Variants in ERC2 observed in about 807,000 individuals in gnomAD.
ERC2 encodes the protein ELKS/RAB6-interacting/CAST family member 2.
ERC2 carries 42 observed loss-of-function variants against 114.8 expected under a neutral mutation model. The observed-to-expected ratio is 0.37, with a 90% CI of 0.29 to 0.47. The LOEUF is 0.47. Among genes scored for constraint, ERC2 ranks in the 20% least tolerant of loss-of-function variants. The pLI, the probability that ERC2 is intolerant of heterozygous loss-of-function variation, is 0.99. For synonymous variants in ERC2, 454 were observed against 425.5 expected (o/e 1.07, Z -0.82); for missense variants, 939 against 1,150.7 (o/e 0.82, Z 2.66).
At chr3:55,958,867 C>T (rs150448776) in intron 12 of ERC2, among the ~76,000 whole-genome samples, 56 of 152,268 alleles carry the variant, frequency 3.7e-4, no homozygotes, top group Admixed American at 1.3e-3. Context: ...CCCCTGAGAG[C>T]GCAGGGATGC....
intron 6 of ERC2, among the ~76,000 whole-genome samples, chr3:56,116,764 T>C (rs1360274680): frequency 3.3e-5 from 5 of 152,142 alleles, no homozygotes; most frequent in Non-Finnish European, 7.3e-5. Context: ...TAATGGGGCC[T>C]TCCTACATGC....
chr3:56,421,043 G>A (rs926292405), intron 2 of ERC2, among the ~76,000 whole-genome samples: 13 of 152,332 alleles, frequency 8.5e-5, no homozygotes, highest in African/African-American at 3.1e-4. Flanking sequence ...AATTGATCCT[G>A]GTGTTGGTCA....
At chr3:55,698,801 C>T (rs1289109237) in intron 16 of ERC2, among the ~76,000 whole-genome samples, 2 of 152,156 alleles carry the variant, frequency 1.3e-5, no homozygotes, top group African/African-American at 4.8e-5. Context: ...GTAAATATTG[C>T]TGTAAAACCA....
intron 14 of ERC2, among the ~76,000 whole-genome samples, chr3:55,772,317 ATTC>A (rs1269544724): frequency 1.5e-5 from 2 of 136,574 alleles, no homozygotes; most frequent in African/African-American, 2.7e-5. Flanking sequence ...TACTTTTTGT[ATTC>A]TTTTTTTTTT....
intron 14 of ERC2, among the ~76,000 whole-genome samples, chr3:55,746,378 C>T (rs1040550447): frequency 1.9e-4 from 29 of 152,078 alleles, no homozygotes; most frequent in African/African-American, 7.0e-4. Context: ...AGATTACAGG[C>T]ATGCACCACC....
intron 1 of ERC2, among the ~76,000 whole-genome samples, chr3:56,437,887 A>G (rs1381062002): frequency 2.0e-5 from 3 of 152,220 alleles, no homozygotes; most frequent in African/African-American, 7.2e-5. Flanking sequence ...CGACAAAACA[A>G]TTTTGTGATT....
At chr3:55,683,442 C>A (rs2062158208) in intron 17 of ERC2, among the ~76,000 whole-genome samples, 1 of 152,164 alleles carries the variant, frequency 6.6e-6, no homozygotes, top group East Asian at 1.9e-4. Context: ...CGGCTGAAAA[C>A]CACGACTGGA....
At chr3:55,569,094 T>C (rs536959349) in intron 17 of ERC2, among the ~76,000 whole-genome samples, 1 of 152,146 alleles carries the variant, frequency 6.6e-6, no homozygotes, top group African/African-American at 2.4e-5. Context: ...TTCCAGGTAA[T>C]GTGGTTGAGG....
At chr3:56,156,611 C>T (rs2081736430) in intron 4 of ERC2, among the ~76,000 whole-genome samples, 1 of 152,124 alleles carries the variant, frequency 6.6e-6, no homozygotes, top group African/African-American at 2.4e-5. Context: ...AATATTTTAG[C>T]AACCAATGTA....
intron 17 of ERC2, among the ~76,000 whole-genome samples, chr3:55,634,308 T>C (rs929384875): frequency 1.4e-4 from 22 of 152,218 alleles, no homozygotes; most frequent in Non-Finnish European, 3.2e-4. Flanking sequence ...CAGACTGCCT[T>C]GAAGCTACTT....
At chr3:55,702,763 G>T (rs1343916062) in intron 15 of ERC2, among the ~76,000 whole-genome samples, 1 of 152,162 alleles carries the variant, frequency 6.6e-6, no homozygotes, top group African/African-American at 2.4e-5. Flanking sequence ...ATGGTCCACA[G>T]CCCTGTAGCC....
chr3:55,559,769 C>T (rs1014719457), intron 17 of ERC2, among the ~76,000 whole-genome samples: 65 of 152,238 alleles, frequency 4.3e-4, no homozygotes, highest in African/African-American at 1.5e-3. Flanking sequence ...AGATTAATTT[C>T]TTTTTAATCC....
At chr3:56,311,233 CTCTCTCTCTCTCTCTCTCTCTCTATA>C (rs1164141040) in intron 2 of ERC2, among the ~76,000 whole-genome samples, 245 of 12,752 alleles carry the variant, frequency 0.019, 1 homozygote, top group Non-Finnish European at 0.035. Flanking sequence ...CCATCATCTT[CTCTCTCTCTCTCTCTCTCTCTCTATA>C]TATATATATA....
rs2053949015 is a variant in ERC2 at position 56,275,772 on chromosome 3, G to A, written c.1074+20247C>T. Among the ~76,000 whole-genome samples, 5 of 152,122 alleles carry A rather than the reference G, an allele frequency of 3.3e-5. No individual in the cohort carries two copies. The South Asian group carries it at 1.0e-3, about 32-fold the overall frequency. ...TTTGAATCAGTGGTTTTTCAACAGG[G>A]GATGACTCTATCCCACAGGAGACAC... On this transcript the variant is annotated intron_variant, in intron 3 of 17. Transcript: ENST00000288221.
chr3:55,605,499 A>G (rs1371887416), intron 17 of ERC2, among the ~76,000 whole-genome samples: 1 of 152,244 alleles, frequency 6.6e-6, no homozygotes, highest in Non-Finnish European at 1.5e-5. Flanking sequence ...TTTTCAATCT[A>G]TAATGTGATG....
chr3:55,927,245 A>G (rs1237303392), intron 13 of ERC2, among the ~76,000 whole-genome samples: 1 of 152,216 alleles, frequency 6.6e-6, no homozygotes, highest in Non-Finnish European at 1.5e-5. Flanking sequence ...ATTAACAACC[A>G]TAAAGAGACT....
intron 17 of ERC2, among the ~76,000 whole-genome samples, chr3:55,589,962 CCTT>C (rs1166966570): frequency 3.3e-5 from 5 of 152,140 alleles, no homozygotes; most frequent in African/African-American, 1.2e-4. Context: ...TCCATGAAAA[CCTT>C]CTCCTCCCTG....
intron 3 of ERC2, among the ~76,000 whole-genome samples, chr3:56,187,036 C>A (rs2083667746): frequency 6.6e-6 from 1 of 152,106 alleles, no homozygotes; most frequent in South Asian, 2.1e-4. Context: ...ATAGAGAAGA[C>A]AGGGAAGTTA....
rs2075357654 is a variant in ERC2 at position 56,044,402 on chromosome 3, A to T, written c.1642-25371T>A. On this transcript the variant is annotated intron_variant, in intron 7 of 17. Coordinates refer to ENST00000288221, the MANE Select transcript of ERC2 (RefSeq NM_015576.3). The stretch of plus-strand genomic sequence containing the variant: ...GTTTTGAATTCTAAATTTGGTTATG[A>T]TCTTTTACTTTTTTAAGAGATTATG... Among the ~76,000 whole-genome samples the T allele has an allele frequency of 2.0e-5, 3 of 151,814 alleles. No individual in the cohort carries two copies. In the South Asian group the frequency reaches 6.2e-4, roughly 31 times the overall value.
Sources: allele counts gnomAD v4.1 joint callset (sites outside exome capture counted in the v4.1 genomes callset), GRCh38; gene constraint gnomAD v4.1.1; transcripts MANE v1.5; gene names NCBI Gene and HGNC (gene_info 2026-07-23, HGNC 2026-07-21).